COL24A1: variants seen among roughly 807,000 people sequenced by gnomAD.
The protein encoded by COL24A1 is collagen type XXIV alpha 1 chain.
COL24A1 carries 224 observed loss-of-function variants against 253.9 expected under a neutral mutation model. The ratio of observed to expected loss-of-function variants is 0.88; its 90% CI spans 0.79 to 0.99. The LOEUF (loss-of-function observed/expected upper bound fraction) is 0.99. Ranked by LOEUF, COL24A1 falls within the 50% of genes least tolerant of loss-of-function variation. COL24A1 has a pLI of 0.00. For missense variants in COL24A1, 2,131 were observed against 2,068.5 expected (o/e 1.03, Z -0.59); for synonymous variants, 685 against 673.7 (o/e 1.02, Z -0.26).
intron 47 of COL24A1, among the ~76,000 whole-genome samples, chr1:85,798,630 G>A (rs1011672984): frequency 6.6e-6 from 1 of 152,164 alleles, no homozygotes; most frequent in Non-Finnish European, 1.5e-5. Context: ...TAGAAGCTTC[G>A]ATGGTGGTCC....
rs539528968 is a variant in COL24A1 at position 86,072,872 on chromosome 1, G to A, written c.1708-9113C>T. Among the ~76,000 whole-genome samples the A allele has an allele frequency of 1.2e-3, 183 of 152,166 alleles. 3 individuals carry two copies. The highest frequency in any genetic ancestry group is 6.8e-3 in the South Asian group (33 of 4,826). On this transcript the variant is annotated intron_variant, in intron 7 of 59. Transcript: ENST00000370571. Reference sequence around the variant, plus strand: ...TCTGGAGTGGACCTCCAGCAAACCCGCAGCAGAGGGATCTGACTGTTAGAA... The same window carrying A: ...TCTGGAGTGGACCTCCAGCAAACCCACAGCAGAGGGATCTGACTGTTAGAA...
chr1:85,786,474 G>A lies in COL24A1; in HGVS notation c.3952-13C>T, dbSNP rs142580284. ...CGCCTCTGATGCCCTAAATAACACA[G>A]ATAAGAAATGAAAACTGGGAAAGTT... On this transcript the variant is annotated splice_polypyrimidine_tract_variant and intron_variant, in intron 47 of 59. Transcript: ENST00000370571. 7.3e-5 allele frequency: 116 copies of A among 1,599,610 alleles called. 1 individual carries two copies. In the African/African-American group the frequency reaches 1.3e-3, roughly 18 times the overall value.
rs1376429091 is a variant in COL24A1, at chr1:86,063,383, T to TGTGTGTGTGTGTGTGTGTG, written c.1752+331_1752+332insCACACACACACACACACAC. 3.0e-4 allele frequency among the ~76,000 whole-genome samples: 44 copies of TGTGTGTGTGTGTGTGTGTG among 144,460 alleles called. No individual in the cohort carries two copies. The South Asian group carries it at 6.3e-3, about 21-fold the overall frequency. 94.8% of individuals were successfully genotyped at this position (144,460 alleles called of 152,430 possible). ...TCTGTGTGTGTGTGTGTGTGTGTGTTTGTATGTGTATGGATATGTATATTT... is the reference window on the plus strand; with the variant it reads ...TCTGTGTGTGTGTGTGTGTGTGTGTTGTGTGTGTGTGTGTGTGTGTGTATGTGTATGGATATGTATATTT... On this transcript the variant is annotated intron_variant, in intron 8 of 59. Transcript: ENST00000370571.
At chr1:85,968,821 A>C (rs762918755) in intron 22 of COL24A1, among the ~76,000 whole-genome samples, 23 of 152,298 alleles carry the variant, frequency 1.5e-4, no homozygotes, top group Non-Finnish European at 2.4e-4. Flanking sequence ...ACATTTTCAA[A>C]GTCTTTGAAA....
chr1:85,745,222 T>G (rs138309276), intron 56 of COL24A1, among the ~76,000 whole-genome samples: 238 of 152,238 alleles, frequency 1.6e-3, no homozygotes, highest in African/African-American at 5.3e-3. Flanking sequence ...CAGTACTAAA[T>G]TTTTGATTTA....
chr1:86,156,320 C>T, intron 1 of COL24A1, 21 bp downstream of exon 1: 1 of 1,609,904 alleles, frequency 6.2e-7, no homozygotes, highest in African/African-American at 1.3e-5. Flanking sequence ...CCCTACCCTA[C>T]CCGGCGGGTG....
At chr1:85,916,992 G>A (rs147153417) in intron 24 of COL24A1, among the ~76,000 whole-genome samples, 25 of 152,140 alleles carry the variant, frequency 1.6e-4, no homozygotes, top group East Asian at 1.4e-3. Flanking sequence ...TAGAATCATC[G>A]GCATTATCAG....
chr1:85,823,910 G>C (rs1181897088), intron 43 of COL24A1, among the ~76,000 whole-genome samples, 172 bp from the exon 44 acceptor site: 1 of 151,908 alleles, frequency 6.6e-6, no homozygotes, highest in African/African-American at 2.4e-5. Flanking sequence ...TGGATATTAT[G>C]GTAGCTGAAA....
intron 28 of COL24A1, among the ~76,000 whole-genome samples, chr1:85,905,054 G>A (rs1466340051): frequency 6.6e-6 from 1 of 152,110 alleles, no homozygotes; most frequent in East Asian, 1.9e-4. Context: ...AGTCAGAACA[G>A]CAAGAGAGTA....
intron 19 of COL24A1, among the ~76,000 whole-genome samples, chr1:86,005,225 A>C (rs1371051330): frequency 6.6e-6 from 1 of 152,204 alleles, no homozygotes; most frequent in Admixed American, 6.5e-5. Context: ...TAAATAACAT[A>C]ATCAATAAGG....
At chr1:85,757,597 A>G (rs930601825) in intron 55 of COL24A1, among the ~76,000 whole-genome samples, 1 of 152,194 alleles carries the variant, frequency 6.6e-6, no homozygotes, top group African/African-American at 2.4e-5. Context: ...GGTATTAGAA[A>G]GAAAAGAAAT....
chr1:86,149,981 A>C (rs1040453590), intron 1 of COL24A1, among the ~76,000 whole-genome samples: 1 of 152,222 alleles, frequency 6.6e-6, no homozygotes, highest in Non-Finnish European at 1.5e-5. Flanking sequence ...AGTTTCTTAC[A>C]ATGCATTCAA....
intron 6 of COL24A1, 32 bp downstream of exon 6, chr1:86,092,235 A>G (rs1413829384): frequency 6.7e-6 from 10 of 1,494,774 alleles, no homozygotes; most frequent in Non-Finnish European, 8.3e-6. Context: ...GAAATATATT[A>G]CCATAATTTC....
intron 47 of COL24A1, among the ~76,000 whole-genome samples, chr1:85,799,334 C>A (rs928325530): frequency 7.3e-5 from 10 of 137,868 alleles, no homozygotes; most frequent in African/African-American, 2.8e-4. Flanking sequence ...TGGAAAAACC[C>A]AGCAGTCTTT....
chr1:85,755,484 A>C (rs1375087427), intron 55 of COL24A1, among the ~76,000 whole-genome samples: 2 of 152,116 alleles, frequency 1.3e-5, no homozygotes, highest in Non-Finnish European at 2.9e-5. Context: ...AAAACTTACT[A>C]TAAAGCTGCT....
At chr1:86,052,959 T>C (rs544334097) in intron 10 of COL24A1, among the ~76,000 whole-genome samples, 151 of 152,112 alleles carry the variant, frequency 9.9e-4, no homozygotes, top group African/African-American at 3.1e-3. Context: ...ACAGATTGTA[T>C]GAACAAGCAA....
chr1:86,080,023 T>G (rs1702519198), intron 7 of COL24A1, among the ~76,000 whole-genome samples: 1 of 152,194 alleles, frequency 6.6e-6, no homozygotes, highest in Admixed American at 6.5e-5. Context: ...GTGACCTAAG[T>G]GTCCATCAAC....
intron 20 of COL24A1, among the ~76,000 whole-genome samples, chr1:85,986,043 A>G (rs756825634): frequency 2.6e-5 from 4 of 151,836 alleles, no homozygotes; most frequent in Non-Finnish European, 1.5e-5. Context: ...CTACTCATTC[A>G]TGTAGGTTCA....
At chr1:86,103,450 T>C (rs1181033176) in intron 5 of COL24A1, among the ~76,000 whole-genome samples, 1 of 152,132 alleles carries the variant, frequency 6.6e-6, no homozygotes, top group Non-Finnish European at 1.5e-5. Flanking sequence ...GCAGACTTGT[T>C]TGTGTGGTTG....
Sources: gnomAD v4.1 joint callset for allele counts (sites outside exome capture counted in the v4.1 genomes callset) on GRCh38, gnomAD v4.1.1 for gene constraint, MANE v1.5 for transcripts, NCBI Gene and HGNC (gene_info 2026-07-23, HGNC 2026-07-21) for gene names.